The following CDK14 variants were observed in gnomAD, a reference collection of about 807,000 sequenced individuals.
CDK14 encodes the protein cyclin-dependent kinase 14.
CDK14 carries 34 observed loss-of-function variants against 60.7 expected under a neutral mutation model. That is an observed-to-expected ratio of 0.56 (90% CI 0.43 to 0.75). The LOEUF is 0.75. CDK14 is among the 30% of genes least tolerant of loss of function. The probability of loss-of-function intolerance (pLI) is 0.00; values close to 1 mark genes in which losing one functional copy is unlikely to be tolerated. For missense variants in CDK14, 482 were observed against 564.1 expected (o/e 0.85, Z 1.47); for synonymous variants, 197 against 203.7 (o/e 0.97, Z 0.28).
Position 91,070,275 on chromosome 7 carries a change from G to T in CDK14, c.1106-9157G>T, listed in dbSNP as rs774688055. On this transcript the variant is annotated intron_variant, in intron 11 of 14. Coordinates refer to ENST00000380050, the MANE Select transcript of CDK14 (RefSeq NM_001287135.2). ...GCTGCTGCTGCTGCTGCTGCTGGTG[G>T]TGGTGGTGGTGGTGGTGGTAGTGAT... Among the ~76,000 whole-genome samples the T allele has an allele frequency of 9.8e-4, 148 of 151,528 alleles. 1 individual carries two copies. The highest frequency in any genetic ancestry group is 3.3e-3 in the African/African-American group (137 of 41,386).
At chr7:90,679,693 G>A (rs17623187) in intron 2 of CDK14, among the ~76,000 whole-genome samples, 12,347 of 152,162 alleles carry the variant, frequency 0.081, 596 homozygotes, top group Middle Eastern at 0.12. Flanking sequence ...AGTGCTCTTA[G>A]TGACTCCAGT....
rs372061006 is a variant in CDK14 at position 91,019,238 on chromosome 7, C to T, written c.1042-26659C>T. On this transcript the variant is annotated intron_variant, in intron 10 of 14. Transcript: ENST00000380050. Reference sequence around the variant, plus strand: ...CTTTCTCTTCATCATCCCCATCATCCCTGGTAGACTGGCTTGCTCCTGTGA... The same window carrying T: ...CTTTCTCTTCATCATCCCCATCATCTCTGGTAGACTGGCTTGCTCCTGTGA... Among the ~76,000 whole-genome samples, 17 of 152,254 alleles carry T rather than the reference C, an allele frequency of 1.1e-4. No homozygotes were observed. In the East Asian group the frequency reaches 2.5e-3, roughly 22 times the overall value.
chr7:90,860,901 T>G (rs1790987825), intron 5 of CDK14, among the ~76,000 whole-genome samples: 1 of 152,180 alleles, frequency 6.6e-6, no homozygotes, highest in South Asian at 2.1e-4. Flanking sequence ...TAAAGCCAGC[T>G]ATTCCTTGTC....
At chr7:90,969,393 CA>C (rs1794853786) in intron 9 of CDK14, among the ~76,000 whole-genome samples, 1 of 152,146 alleles carries the variant, frequency 6.6e-6, no homozygotes, top group Non-Finnish European at 1.5e-5. Flanking sequence ...AAGGTTTTAG[CA>C]GTGATTTCTC....
intron 2 of CDK14, among the ~76,000 whole-genome samples, chr7:90,704,193 G>A (rs1801846478): frequency 6.6e-6 from 1 of 152,166 alleles, no homozygotes; most frequent in Admixed American, 6.5e-5. Flanking sequence ...CTGTTATAGA[G>A]TCATAATTGT....
At chr7:91,176,397 G>C (rs998016333) in intron 14 of CDK14, among the ~76,000 whole-genome samples, 37 of 152,046 alleles carry the variant, frequency 2.4e-4, no homozygotes, top group African/African-American at 3.6e-4. Context: ...ACAATTAAAA[G>C]AACTAGAAAA....
intron 5 of CDK14, among the ~76,000 whole-genome samples, chr7:90,855,263 T>G (rs3802030): frequency 0.73 from 111,119 of 152,118 alleles, 40,981 homozygotes; most frequent in East Asian, 0.96. Flanking sequence ...ATCCTTAATA[T>G]ACATATTTCC....
At chr7:91,017,936 A>G (rs1796342763) in intron 10 of CDK14, among the ~76,000 whole-genome samples, 2 of 152,318 alleles carry the variant, frequency 1.3e-5, no homozygotes, top group South Asian at 4.1e-4. Flanking sequence ...ATGAAACCAA[A>G]TTAGATCTAC....
intron 10 of CDK14, among the ~76,000 whole-genome samples, chr7:90,998,972 T>C (rs1184056794): frequency 6.6e-6 from 1 of 152,126 alleles, no homozygotes; most frequent in East Asian, 1.9e-4. Context: ...GGGCTGCATC[T>C]GGTGAGGGCC....
chr7:90,724,076 G>C lies in CDK14; in HGVS notation c.124-2491G>C, dbSNP rs113792767. ...GCCACCTGGCCCTGGCATTATCTTT[G>C]TGGTAATGTTTTTGACCACAAATTC... is the stretch of plus-strand genomic sequence containing the variant. On this transcript the variant is annotated intron_variant, in intron 2 of 14. Transcript: ENST00000380050. 2.2e-4 allele frequency among the ~76,000 whole-genome samples: 33 copies of C among 151,016 alleles called. 1 individual carries two copies. Among genetic ancestry groups the C allele is most frequent in the African/African-American group, 7.8e-4 (32 of 41,280 alleles).
chr7:90,676,708 G>GT (rs1335298142), intron 2 of CDK14, among the ~76,000 whole-genome samples: 6 of 151,756 alleles, frequency 4.0e-5, no homozygotes, highest in East Asian at 1.9e-4. Context: ...AGTTTTGCTC[G>GT]TTTTTTTGGT....
intron 9 of CDK14, among the ~76,000 whole-genome samples, chr7:90,982,158 A>G (rs1480660594): frequency 6.6e-6 from 1 of 152,194 alleles, no homozygotes; most frequent in Non-Finnish European, 1.5e-5. Flanking sequence ...GCTGCGAAAG[A>G]ATGTCGAGCA....
intron 11 of CDK14, among the ~76,000 whole-genome samples, chr7:91,059,682 C>T (rs916842382): frequency 6.6e-6 from 1 of 152,198 alleles, no homozygotes; most frequent in African/African-American, 2.4e-5. Flanking sequence ...CATTCAGGAG[C>T]AGGTTGTTCA....
intron 4 of CDK14, among the ~76,000 whole-genome samples, chr7:90,780,181 G>A (rs552288654): frequency 2.4e-4 from 36 of 152,090 alleles, no homozygotes; most frequent in African/African-American, 7.5e-4. Context: ...CTGTCTTTCC[G>A]TCTTCATTTG....
chr7:90,958,539 A>C (rs1794502811), intron 9 of CDK14, among the ~76,000 whole-genome samples: 1 of 152,132 alleles, frequency 6.6e-6, no homozygotes, highest in African/African-American at 2.4e-5. Context: ...ATGGTTGTTT[A>C]CACAGTTAGA....
intron 2 of CDK14, among the ~76,000 whole-genome samples, chr7:90,663,101 CACACACA>C (rs1452793438): frequency 2.5e-4 from 37 of 146,100 alleles, no homozygotes; most frequent in Admixed American, 1.3e-3. Flanking sequence ...TGGGAACACA[CACACACA>C]CACACACACA....
At chr7:91,104,354 T>C (rs1269493695) in intron 12 of CDK14, among the ~76,000 whole-genome samples, 1 of 152,136 alleles carries the variant, frequency 6.6e-6, no homozygotes, top group Non-Finnish European at 1.5e-5. Context: ...TGAGGCGTAA[T>C]TGGGAATCCC....
At chr7:90,637,814 G>C (rs1215589735) in intron 2 of CDK14, among the ~76,000 whole-genome samples, 1 of 141,670 alleles carries the variant, frequency 7.1e-6, no homozygotes, top group African/African-American at 2.7e-5. Context: ...GAATCTGGGT[G>C]CTCCTGTATT....
intron 6 of CDK14, among the ~76,000 whole-genome samples, chr7:90,898,778 C>A (rs1792413657): frequency 6.6e-6 from 1 of 151,870 alleles, no homozygotes; most frequent in South Asian, 2.1e-4. Flanking sequence ...AGCATATTTG[C>A]TCAAATATAT....
Sources: allele counts gnomAD v4.1 joint callset (sites outside exome capture counted in the v4.1 genomes callset), GRCh38; gene constraint gnomAD v4.1.1; transcripts MANE v1.5; gene names NCBI Gene and HGNC (gene_info 2026-07-23, HGNC 2026-07-21).